The following CDH2 variants were observed in gnomAD, a reference collection of about 807,000 sequenced individuals.
CDH2 encodes cadherin-2.
In CDH2, 17 loss-of-function variants were observed where a neutral mutation model predicts 92.0. The observed-to-expected ratio is 0.18, with a 90% CI of 0.13 to 0.28. CDH2 has a LOEUF of 0.28. Ranked by LOEUF, CDH2 falls within the 10% of genes least tolerant of loss-of-function variation. The probability of loss-of-function intolerance (pLI) is 1.00; values close to 1 mark genes in which losing one functional copy is unlikely to be tolerated. For missense variants in CDH2, 862 were observed against 1,133.1 expected, an observed-to-expected ratio of 0.76 and a Z score of 3.44; for synonymous variants, 419 against 415.9, an observed-to-expected ratio of 1.01 and a Z score of -0.09.
chr18:28,038,193 G>A (rs555029111), intron 2 of CDH2, among the ~76,000 whole-genome samples: 111 of 152,266 alleles, frequency 7.3e-4, no homozygotes, highest in Admixed American at 7.1e-3. Context: ...GGAGGCCAAA[G>A]CAGGCAATTA....
At chr18:27,974,468 C>T (rs1222455564) in intron 14 of CDH2, among the ~76,000 whole-genome samples, 1 of 152,112 alleles carries the variant, frequency 6.6e-6, no homozygotes, top group African/African-American at 2.4e-5. Context: ...TCTGCAAGCT[C>T]AAGAAAACAT....
At chr18:28,070,827 A>G (rs1296778938) in intron 2 of CDH2, among the ~76,000 whole-genome samples, 1 of 152,212 alleles carries the variant, frequency 6.6e-6, no homozygotes, top group East Asian at 1.9e-4. Flanking sequence ...ATGTCACACC[A>G]CGAATCATGA....
chr18:27,958,600 T>A (rs571070192), intron 15 of CDH2, among the ~76,000 whole-genome samples: 10 of 150,854 alleles, frequency 6.6e-5, no homozygotes, highest in Non-Finnish European at 1.3e-4. Context: ...TAAATAAGTG[T>A]ATATTTATAT....
intron 2 of CDH2, among the ~76,000 whole-genome samples, chr18:28,107,878 A>T (rs985073542): frequency 1.3e-5 from 2 of 152,208 alleles, no homozygotes; most frequent in African/African-American, 4.8e-5. Context: ...AGGAAAAAAG[A>T]AAAAAGAAAA....
intron 14 of CDH2, among the ~76,000 whole-genome samples, chr18:27,972,869 C>T (rs996703497): frequency 2.0e-5 from 3 of 152,060 alleles, no homozygotes; most frequent in African/African-American, 7.3e-5. Flanking sequence ...GCTGTGGGGG[C>T]ACAGAGCAGA....
chr18:27,984,342 G>C (rs535556507), intron 13 of CDH2, among the ~76,000 whole-genome samples: 1 of 152,260 alleles, frequency 6.6e-6, no homozygotes, highest in African/African-American at 2.4e-5. Flanking sequence ...GCTTAGAAGT[G>C]GTTCCTAAAG....
At chr18:28,040,183 G>A (rs1308102229) in intron 2 of CDH2, among the ~76,000 whole-genome samples, 2 of 152,074 alleles carry the variant, frequency 1.3e-5, no homozygotes, top group Non-Finnish European at 1.5e-5. Flanking sequence ...TGGCATGCTG[G>A]GGTCCTAACC....
intron 14 of CDH2, chr18:27,963,753 T>C: frequency 2.1e-6 from 1 of 481,850 alleles, no homozygotes. Context: ...ACAATGTTCC[T>C]CATCAGTTTC....
At chr18:28,018,441 C>G (rs1022968239) in intron 2 of CDH2, among the ~76,000 whole-genome samples, 1 of 152,048 alleles carries the variant, frequency 6.6e-6, no homozygotes, top group Non-Finnish European at 1.5e-5. Flanking sequence ...CAAAGCAAGA[C>G]TAAGCAAAAT....
At chr18:28,100,418 G>A (rs2015208238) in intron 2 of CDH2, among the ~76,000 whole-genome samples, 1 of 152,208 alleles carries the variant, frequency 6.6e-6, no homozygotes, top group Admixed American at 6.5e-5. Flanking sequence ...TGTCAAGCCA[G>A]CCACCCTTCA....
chr18:28,160,538 A>AG (rs1231798416), intron 1 of CDH2, among the ~76,000 whole-genome samples: 1 of 152,218 alleles, frequency 6.6e-6, no homozygotes, highest in Non-Finnish European at 1.5e-5. Context: ...CACTGGCTCA[A>AG]GGGTCAGCCT....
chr18:28,116,807 C>G (rs751776665), intron 2 of CDH2, among the ~76,000 whole-genome samples: 1 of 152,068 alleles, frequency 6.6e-6, no homozygotes, highest in African/African-American at 2.4e-5. Flanking sequence ...CTAAAGATAC[C>G]GGTGCTACCT....
At chr18:28,040,339 AT>A (rs1385661832) in intron 2 of CDH2, among the ~76,000 whole-genome samples, 1 of 152,192 alleles carries the variant, frequency 6.6e-6, no homozygotes, top group Admixed American at 6.5e-5. Context: ...CAGAAGGCCA[AT>A]TATAATTCCT....
At chr18:28,165,845 T>G (rs567994651) in intron 1 of CDH2, among the ~76,000 whole-genome samples, 1 of 151,890 alleles carries the variant, frequency 6.6e-6, no homozygotes, top group Non-Finnish European at 1.5e-5. Context: ...ACAGAAATGA[T>G]GTACTTGATA....
intron 2 of CDH2, among the ~76,000 whole-genome samples, chr18:28,114,112 T>C (rs551651548): frequency 6.6e-5 from 10 of 151,992 alleles, no homozygotes; most frequent in Non-Finnish European, 1.0e-4. Flanking sequence ...TACGACTATA[T>C]AGGAGGAATA....
At position 28,000,215 on chromosome 18, in the gene CDH2, C is replaced by T. The variant is rs116384139; in HGVS notation, c.1020+2782G>A. Among the ~76,000 whole-genome samples the T allele has an allele frequency of 2.8e-3, 423 of 152,232 alleles. 3 individuals are homozygous for T. The highest frequency in any genetic ancestry group is 9.7e-3 in the African/African-American group (401 of 41,554). On this transcript the variant is annotated intron_variant, in intron 7 of 15. Transcript: ENST00000269141. ...ACCTCCCAGGCTCAGGTGATTCTCCCGCTCAGCCTCCCAAGTGGCTGGGAC... is the reference window on the plus strand; with the variant it reads ...ACCTCCCAGGCTCAGGTGATTCTCCTGCTCAGCCTCCCAAGTGGCTGGGAC...
intron 7 of CDH2, among the ~76,000 whole-genome samples, chr18:27,997,995 A>G (rs796727754): frequency 4.0e-4 from 61 of 151,980 alleles, no homozygotes; most frequent in African/African-American, 1.4e-3. Context: ...TTTAGTAGGG[A>G]TGGGGTTTCA....
chr18:28,092,852 T>C (rs2144215156), intron 2 of CDH2, among the ~76,000 whole-genome samples: 1 of 152,330 alleles, frequency 6.6e-6, no homozygotes, highest in Non-Finnish European at 1.5e-5. Context: ...AAGAAATTAC[T>C]TTCTTAACAA....
At chr18:28,013,625 T>C (rs2013158384) in intron 3 of CDH2, 58 bp downstream of exon 3, 1 of 1,242,072 alleles carries the variant, frequency 8.1e-7, no homozygotes, top group Non-Finnish European at 1.2e-6. Context: ...ATATATTTAG[T>C]TCAAACTGTA....
Sources: allele counts gnomAD v4.1 joint callset (sites outside exome capture counted in the v4.1 genomes callset), GRCh38; gene constraint gnomAD v4.1.1; transcripts MANE v1.5; gene names NCBI Gene and HGNC (gene_info 2026-07-23, HGNC 2026-07-21).